The following PNPLA6 variants were observed in gnomAD, a reference collection of about 807,000 sequenced individuals.
PNPLA6 encodes the protein patatin like domain 6, lysophospholipase.
Under a neutral mutation model 153.7 loss-of-function variants are expected in PNPLA6, and 105 were observed. The ratio of observed to expected loss-of-function variants is 0.68; its 90% CI spans 0.58 to 0.80. The LOEUF (loss-of-function observed/expected upper bound fraction) is 0.80, where lower values mean the gene tolerates loss of function less well. Among genes scored for constraint, PNPLA6 ranks in the 30% least tolerant of loss-of-function variants. PNPLA6 has a pLI of 0.00. For synonymous variants in PNPLA6, 825 were observed against 822.2 expected, an observed-to-expected ratio of 1.00 and a Z score of -0.06; for missense variants, 1,423 against 1,919.3, an observed-to-expected ratio of 0.74 and a Z score of 4.83.
At chr19:7,535,598 C>T, upstream of PNPLA6, 4 of 1,599,882 alleles carry the variant, frequency 2.5e-6, no homozygotes, top group South Asian at 1.1e-5. The surrounding 1 kb of genome is among the most constrained non-coding windows in gnomAD (Gnocchi z 5.0). Flanking sequence ...GGGCGGAGAC[C>T]GGGTAGGTGC....
chr19:7,542,264 G>A (rs149686799), intron 10 of PNPLA6, among the ~76,000 whole-genome samples, 197 bp downstream of exon 10: 64 of 152,326 alleles, frequency 4.2e-4, no homozygotes, highest in African/African-American at 1.2e-3. Context: ...GAGTGCAGGC[G>A]TTGATTAGTC....
intron 13 of PNPLA6, among the ~76,000 whole-genome samples, chr19:7,548,403 C>T (rs1005616625): frequency 1.5e-5 from 1 of 67,994 alleles, no homozygotes; most frequent in Admixed American, 1.9e-4. Context: ...GAAAAAAAAT[C>T]GCAAAAAAAA....
intron 26 of PNPLA6, 64 bp from the exon 27 acceptor site, chr19:7,557,104 G>A (rs2023914276): frequency 1.6e-6 from 2 of 1,261,504 alleles, no homozygotes; most frequent in Non-Finnish European, 2.3e-6. Context: ...CATCGGGCCG[G>A]CTGGGCCTCC....
chr19:7,551,585 A>G, intron 18 of PNPLA6, 148 bp downstream of exon 18: 7 of 723,864 alleles, frequency 9.7e-6, no homozygotes, highest in South Asian at 9.1e-5. Context: ...CCTAAGTAGG[A>G]CCCAGGTGCA....
intron 20 of PNPLA6, 78 bp from the exon 21 acceptor site, chr19:7,554,477 C>A: frequency 1.3e-6 from 2 of 1,532,224 alleles, no homozygotes; most frequent in Non-Finnish European, 1.8e-6. Flanking sequence ...TTCCTCCCAG[C>A]AACGGAGCTA....
intron 27 of PNPLA6, among the ~76,000 whole-genome samples, chr19:7,557,870 C>T (rs1599311000): frequency 1.3e-5 from 2 of 151,962 alleles, no homozygotes; most frequent in East Asian, 1.9e-4. Flanking sequence ...ACAAGAGGGA[C>T]AGGTGCACAC....
chr19:7,542,224 C>G (rs1392849363), intron 10 of PNPLA6, among the ~76,000 whole-genome samples, 157 bp downstream of exon 10: 1 of 152,238 alleles, frequency 6.6e-6, no homozygotes, highest in Non-Finnish European at 1.5e-5. Context: ...GATAGTGCTT[C>G]TCCCACCTGT....
At position 7,551,054 on chromosome 19, in the gene PNPLA6, C is replaced by T. The variant is rs1182460784; in HGVS notation, c.2131C>T (p.Leu711=). The T allele has an allele frequency of 1.3e-6, 2 of 1,548,854 alleles. No homozygotes were observed. Among genetic ancestry groups the T allele is most frequent in the East Asian group, 2.4e-5 (1 of 40,852 alleles). ...GGTGCACGCGGTGCGCGACACGGAG[C>T]TGGCCAAGCTTCCCGAGGGCACCTT... The part of the protein sequence containing the change: ...TTVHAVRDTE[L]AKLPEGTLGH... The change falls in exon 17 of 32, where the codon CTG becomes TTG. Residue 711 remains leucine, a synonymous_variant. Transcript: ENST00000600737.
intron 13 of PNPLA6, chr19:7,549,686 C>A: frequency 3.4e-6 from 2 of 589,054 alleles, no homozygotes; most frequent in Non-Finnish European, 6.1e-6. Context: ...CAGGTTTCGC[C>A]ACGTTGGCCA....
At chr19:7,559,432 T>G (rs1332648810) in intron 28 of PNPLA6, among the ~76,000 whole-genome samples, 4 of 152,096 alleles carry the variant, frequency 2.6e-5, no homozygotes, top group Admixed American at 6.6e-5. Flanking sequence ...TTGGTGGGAA[T>G]GAGAATAGTG....
At chr19:7,536,772 CA>C (rs2146039731) in intron 3 of PNPLA6, among the ~76,000 whole-genome samples, 1 of 152,048 alleles carries the variant, frequency 6.6e-6, no homozygotes, top group Admixed American at 6.5e-5. Context: ...ACTAAAAATA[CA>C]AAAATTAGCT....
At chr19:7,549,865 G>T (rs761193310) in intron 13 of PNPLA6, 42 bp from the exon 14 acceptor site, 3 of 1,591,424 alleles carry the variant, frequency 1.9e-6, no homozygotes, top group African/African-American at 1.3e-5. Context: ...TGGGGTCCAC[G>T]CTGTCCGGGT....
intron 27 of PNPLA6, chr19:7,557,534 G>A: frequency 1.9e-6 from 1 of 532,560 alleles, no homozygotes; most frequent in South Asian, 1.8e-5. Context: ...TGGAATCCCA[G>A]CACTTTGGGA....
rs563538821 is a variant in PNPLA6, at chr19:7,561,710, G to A, written c.*148G>A. On this transcript the variant is annotated 3_prime_UTR_variant, in exon 32 of 32. Coordinates refer to ENST00000600737, the MANE Select transcript of PNPLA6 (RefSeq NM_001166114.2). ...CTGACCTGCCCTGAGCGGGGATGCAGTGTTGCACTGATGACTTGACCAGCC... is the reference window on the plus strand; with the variant it reads ...CTGACCTGCCCTGAGCGGGGATGCAATGTTGCACTGATGACTTGACCAGCC... 2.4e-5 allele frequency: 17 copies of A among 707,188 alleles called. No homozygotes were observed. The East Asian group carries it at 3.8e-4, about 16-fold the overall frequency. 43.8% of individuals were successfully genotyped at this position (707,188 alleles called of 1,614,324 possible).
At chr19:7,543,629 C>A (rs1024450199) in intron 13 of PNPLA6, among the ~76,000 whole-genome samples, 13 of 152,162 alleles carry the variant, frequency 8.5e-5, no homozygotes, top group African/African-American at 2.9e-4. Flanking sequence ...CGACTACCAG[C>A]TGAAAGTCAG....
Position 7,554,723 on chromosome 19 carries a change from G to A in PNPLA6, c.2634G>A (p.Gln878=), listed in dbSNP as rs1485985436. 6.2e-7 allele frequency: 1 copy of A among 1,612,200 alleles called. No individual in the cohort carries two copies. The highest frequency in any genetic ancestry group is 8.5e-7 in the Non-Finnish European group (1 of 1,179,780). ...GGGACCAGGAGCCTACCCTCGGCCA[G>A]GTCGGAAGCCCGTGCCCCCTGATCT... ...GLGDQEPTLG[Q]LEQMLENTAV... The change falls in exon 21 of 32, where the codon CAG becomes CAA. Residue 878 remains glutamine, a splice_region_variant and synonymous_variant. Transcript: ENST00000600737.
chr19:7,549,809 T>G, intron 13 of PNPLA6, 98 bp from the exon 14 acceptor site: 1 of 1,215,874 alleles, frequency 8.2e-7, no homozygotes, highest in Non-Finnish European at 1.2e-6. Flanking sequence ...TCTTAACCCT[T>G]CCTTTCTTCT....
chr19:7,539,883 C>A, intron 3 of PNPLA6, 35 bp from the exon 4 acceptor site: 1 of 1,413,436 alleles, frequency 7.1e-7, no homozygotes, highest in Non-Finnish European at 9.7e-7. Flanking sequence ...TTCTCCGTGC[C>A]CCCCTCACCC....
At chr19:7,561,377 A>C in intron 31 of PNPLA6, 60 bp downstream of exon 31, 1 of 1,444,724 alleles carries the variant, frequency 6.9e-7, no homozygotes, top group Non-Finnish European at 9.6e-7. Flanking sequence ...GTACAGTGTC[A>C]GGCAGGGGAG....
Sources: allele counts gnomAD v4.1 joint callset (sites outside exome capture counted in the v4.1 genomes callset), GRCh38; gene constraint gnomAD v4.1.1; non-coding constraint Gnocchi (gnomAD v3.1); transcripts MANE v1.5; gene names NCBI Gene and HGNC (gene_info 2026-07-23, HGNC 2026-07-21).